The following CES5A variants were observed in gnomAD, a reference collection of about 807,000 sequenced individuals.
CES5A encodes carboxylesterase 5.
A neutral mutation model predicts 62.9 loss-of-function variants in CES5A; 67 were observed. The ratio of observed to expected loss-of-function variants is 1.07; its 90% CI spans 0.88 to 1.31. The LOEUF (loss-of-function observed/expected upper bound fraction) is 1.31. Among genes scored for constraint, CES5A ranks in the 50% most tolerant of loss-of-function variants. The probability of loss-of-function intolerance (pLI) is 0.00; values close to 1 mark genes in which losing one functional copy is unlikely to be tolerated. For synonymous variants in CES5A, 296 were observed against 280.8 expected, an observed-to-expected ratio of 1.05 and a Z score of -0.54; for missense variants, 748 against 708.5, an observed-to-expected ratio of 1.06 and a Z score of -0.63.
rs142660626 is a variant in CES5A at position 55,861,876 on chromosome 16, C to T, written c.811-360G>A. Among the ~76,000 whole-genome samples the T allele has an allele frequency of 8.6e-3, 1,306 of 152,216 alleles. 9 individuals are homozygous for T. Among genetic ancestry groups the T allele is most frequent in the Non-Finnish European group, 0.014 (975 of 68,014 alleles). ...GCCCCTCTGGAGTCTAGAAGCCCAA[C>T]CTTGAGGTGCTGAATGAAGACAAAC... On this transcript the variant is annotated intron_variant, in intron 6 of 12. Coordinates refer to ENST00000290567, the MANE Select transcript of CES5A (RefSeq NM_001143685.2).
rs1428385669 is a variant in CES5A at position 55,846,461 on chromosome 16, CA to C, written c.1717del (p.Cys573ValfsTer45). ...CAGAAAGATAACTTCTCAAGGAGCA[CA>C]AAAGAAAAAGAAAGGCTGGAGGAGA... Reference protein sequence around the residue: ...LSLLQPFFFFCAP With the variant: ...LSLLQPFFFFXAP On this transcript the variant is annotated frameshift_variant, in exon 13 of 13. Transcript: ENST00000290567. LOFTEE classifies it high-confidence loss of function. 1 of 1,612,904 alleles carries C rather than the reference CA, an allele frequency of 6.2e-7. No homozygotes were observed. Among genetic ancestry groups the C allele is most frequent in the South Asian group, 1.1e-5 (1 of 91,050 alleles).
intron 2 of CES5A, among the ~76,000 whole-genome samples, chr16:55,942,261 G>A (rs989540789): frequency 6.6e-6 from 1 of 152,100 alleles, no homozygotes; most frequent in East Asian, 1.9e-4. Context: ...ATGAAAAGAC[G>A]TCATTAAGAA....
At chr16:55,871,477 A>G (rs4784601) in intron 3 of CES5A, 148 bp downstream of exon 3, 803,012 of 805,250 alleles carry the variant, frequency 1, 400,422 homozygotes, top group East Asian at 1. Flanking sequence ...TCTATCATTC[A>G]AATGATTTTT....
At chr16:55,888,057 C>T (rs2033835748) in intron 1 of CES5A, among the ~76,000 whole-genome samples, 1 of 152,098 alleles carries the variant, frequency 6.6e-6, no homozygotes, top group Non-Finnish European at 1.5e-5. Flanking sequence ...AGGGCTGTGT[C>T]CTGGACCGTG....
intron 1 of CES5A, 89 bp from the exon 2 acceptor site, chr16:55,874,126 G>T: frequency 8.5e-7 from 1 of 1,170,346 alleles, no homozygotes; most frequent in Non-Finnish European, 1.2e-6. Context: ...GTGGGGATGT[G>T]CTTCCTTCAC....
At position 55,875,164 on chromosome 16, in the gene CES5A, C is replaced by T; in HGVS notation, c.58G>A (p.Ala20Thr). The T allele has an allele frequency of 1.9e-6, 3 of 1,614,156 alleles. No individual in the cohort carries two copies. Among genetic ancestry groups the T allele is most frequent in the Non-Finnish European group, 2.5e-6 (3 of 1,179,996 alleles). ...QILIWAIWVL[A>T]APTKGPSAEG... Reference sequence around the variant, plus strand: ...GATATCTCACCTTTGGTGGGGGCTGCAAGGACCCAGATAGCCCAAATTAGG... The same window carrying T: ...GATATCTCACCTTTGGTGGGGGCTGTAAGGACCCAGATAGCCCAAATTAGG... The change falls in exon 1 of 13, where the codon GCA (alanine) becomes ACA (threonine). Residue 20 changes from alanine to threonine, a missense_variant. Transcript: ENST00000290567.
chr16:55,851,851 C>T (rs563563477), intron 10 of CES5A, among the ~76,000 whole-genome samples: 5 of 152,254 alleles, frequency 3.3e-5, no homozygotes, highest in Non-Finnish European at 7.4e-5. Flanking sequence ...GAACATTAGT[C>T]AGCCTTAAAA....
chr16:55,952,034 C>T (rs1366904179), intron 1 of CES5A, among the ~76,000 whole-genome samples: 3 of 151,996 alleles, frequency 2.0e-5, no homozygotes, highest in Admixed American at 6.6e-5. Flanking sequence ...AAATTACTCA[C>T]GTAGTAGGCC....
At chr16:55,877,468 A>G (rs74019314), upstream of CES5A, among the ~76,000 whole-genome samples, 2,034 of 39,044 alleles carry the variant, frequency 0.052, 61 homozygotes, top group East Asian at 0.25. Context: ...GTGTGTGTGT[A>G]TATATATATA....
At chr16:55,858,761 C>G (rs2033294084) in intron 8 of CES5A, among the ~76,000 whole-genome samples, 1 of 152,226 alleles carries the variant, frequency 6.6e-6, no homozygotes, top group South Asian at 2.1e-4. Flanking sequence ...AATTTGAAGT[C>G]TCCACTCCTC....
At chr16:55,924,161 G>A (rs2034236322) in intron 1 of CES5A, among the ~76,000 whole-genome samples, 1 of 151,418 alleles carries the variant, frequency 6.6e-6, no homozygotes. Flanking sequence ...TTATACTCAG[G>A]AAAACCTAAA....
chr16:55,864,483 A>C (rs1413130103), intron 5 of CES5A, among the ~76,000 whole-genome samples: 3 of 152,192 alleles, frequency 2.0e-5, no homozygotes, highest in Non-Finnish European at 4.4e-5. Flanking sequence ...TGTCAATTTC[A>C]CTTGTTATTG....
chr16:55,849,537 C>A, intron 11 of CES5A, 87 bp downstream of exon 11: 1 of 1,444,736 alleles, frequency 6.9e-7, no homozygotes, highest in Middle Eastern at 2.0e-4. Flanking sequence ...TAATTAAATG[C>A]CAACCCCGAA....
chr16:55,914,907 T>C (rs2034130693), intron 1 of CES5A, among the ~76,000 whole-genome samples: 1 of 152,172 alleles, frequency 6.6e-6, no homozygotes, highest in Non-Finnish European at 1.5e-5. Flanking sequence ...ACATAAGATG[T>C]TAACATTAGG....
intron 1 of CES5A, among the ~76,000 whole-genome samples, chr16:55,954,157 A>G (rs1277253976): frequency 6.6e-6 from 1 of 152,184 alleles, no homozygotes; most frequent in African/African-American, 2.4e-5. Context: ...TGTGTCTTTC[A>G]ATACCTGCTT....
At chr16:55,864,178 A>C (rs1425508637) in intron 5 of CES5A, among the ~76,000 whole-genome samples, 1 of 152,220 alleles carries the variant, frequency 6.6e-6, no homozygotes, top group Non-Finnish European at 1.5e-5. Context: ...GGTTCTGGTC[A>C]AATTTTGCTC....
chr16:55,903,191 G>A (rs1282866912), intron 1 of CES5A, among the ~76,000 whole-genome samples: 1 of 152,014 alleles, frequency 6.6e-6, no homozygotes, highest in African/African-American at 2.4e-5. Context: ...TGAGAAACAG[G>A]GCACTCCTGG....
At chr16:55,919,553 C>T (rs770423032) in intron 1 of CES5A, among the ~76,000 whole-genome samples, 40 of 152,198 alleles carry the variant, frequency 2.6e-4, no homozygotes, top group Non-Finnish European at 4.7e-4. Flanking sequence ...CTGGTGACCT[C>T]CCTTTGTCTC....
At chr16:55,876,027 C>A (rs2033688466), upstream of CES5A, among the ~76,000 whole-genome samples, 1 of 152,198 alleles carries the variant, frequency 6.6e-6, no homozygotes, top group Non-Finnish European at 1.5e-5. Flanking sequence ...GAGAACCTTC[C>A]CCTGATTCTC....
Sources: gnomAD v4.1 joint callset for allele counts (sites outside exome capture counted in the v4.1 genomes callset) on GRCh38, gnomAD v4.1.1 for gene constraint, MANE v1.5 for transcripts, NCBI Gene and HGNC (gene_info 2026-07-23, HGNC 2026-07-21) for gene names.